The following PLCE1 variants were observed in gnomAD, a reference collection of about 807,000 sequenced individuals.
PLCE1 encodes 1-phosphatidylinositol 4,5-bisphosphate phosphodiesterase epsilon-1.
In PLCE1, 119 loss-of-function variants were observed where a neutral mutation model predicts 242.8. The observed-to-expected ratio is 0.49, with a 90% CI of 0.42 to 0.57. The LOEUF (loss-of-function observed/expected upper bound fraction) is 0.57. Ranked by LOEUF, PLCE1 falls within the 20% of genes least tolerant of loss-of-function variation. The pLI, the probability that PLCE1 is intolerant of heterozygous loss-of-function variation, is 0.00. For missense variants in PLCE1, 2,441 were observed against 2,788.8 expected, an observed-to-expected ratio of 0.88 and a Z score of 2.81; for synonymous variants, 945 against 1,017.4, an observed-to-expected ratio of 0.93 and a Z score of 1.35.
chr10:94,208,862 C>T (rs547395786), intron 4 of PLCE1, among the ~76,000 whole-genome samples: 86 of 152,258 alleles, frequency 5.6e-4, no homozygotes, highest in Non-Finnish European at 1.1e-3. Flanking sequence ...TGCACGTGGG[C>T]CTCAAAACAC....
chr10:94,141,024 AG>A (rs1454758815), intron 3 of PLCE1, among the ~76,000 whole-genome samples: 2 of 152,250 alleles, frequency 1.3e-5, no homozygotes, highest in Non-Finnish European at 2.9e-5. Context: ...CTCATTCCAG[AG>A]AAAATGTAAT....
chr10:94,054,095 C>A (rs562997569), intron 2 of PLCE1, among the ~76,000 whole-genome samples: 4 of 152,162 alleles, frequency 2.6e-5, no homozygotes, highest in East Asian at 3.9e-4. Context: ...TCTAGTGGGG[C>A]CTTCCTTCTG....
At chr10:94,165,730 C>T (rs984522206) in intron 3 of PLCE1, among the ~76,000 whole-genome samples, 20 of 150,438 alleles carry the variant, frequency 1.3e-4, no homozygotes, top group East Asian at 9.7e-4. Flanking sequence ...TTTTTTGAGA[C>T]GGTGTCTTGC....
intron 4 of PLCE1, among the ~76,000 whole-genome samples, chr10:94,195,993 G>A (rs1231572489): frequency 6.6e-6 from 1 of 152,118 alleles, no homozygotes; most frequent in Non-Finnish European, 1.5e-5. Context: ...AACTCTCAGA[G>A]TTTGAATCCC....
chr10:94,197,138 AG>A (rs2048845849), intron 4 of PLCE1, among the ~76,000 whole-genome samples: 2 of 152,366 alleles, frequency 1.3e-5, no homozygotes, highest in South Asian at 4.1e-4. Flanking sequence ...AGTGTTTTCA[AG>A]GTTCATCAGC....
At chr10:94,220,665 G>GT (rs2049708592) in intron 4 of PLCE1, among the ~76,000 whole-genome samples, 1 of 151,890 alleles carries the variant, frequency 6.6e-6, no homozygotes, top group Non-Finnish European at 1.5e-5. Context: ...CTCTACAACA[G>GT]TACTTGCAGC....
At chr10:94,183,903 A>T (rs956776672) in intron 4 of PLCE1, among the ~76,000 whole-genome samples, 1 of 152,134 alleles carries the variant, frequency 6.6e-6, no homozygotes. Flanking sequence ...CACCAAGGGG[A>T]TGGCACTAAG....
intron 3 of PLCE1, among the ~76,000 whole-genome samples, chr10:94,141,258 C>G (rs2046945634): frequency 6.6e-6 from 1 of 152,196 alleles, no homozygotes; most frequent in African/African-American, 2.4e-5. Flanking sequence ...CAGTTGTGAC[C>G]AAGGAATGTG....
At chr10:94,207,795 A>T (rs780735719) in intron 4 of PLCE1, among the ~76,000 whole-genome samples, 1 of 152,236 alleles carries the variant, frequency 6.6e-6, no homozygotes, top group East Asian at 1.9e-4. Flanking sequence ...TGATGGAAAC[A>T]TATTAAAAGG....
intron 29 of PLCE1, among the ~76,000 whole-genome samples, chr10:94,318,906 G>C (rs1198829249): frequency 6.6e-6 from 1 of 152,146 alleles, no homozygotes; most frequent in Non-Finnish European, 1.5e-5. Flanking sequence ...AAATTAGCAG[G>C]GCGTGGTAGC....
intron 3 of PLCE1, among the ~76,000 whole-genome samples, chr10:94,164,485 C>T (rs948909757): frequency 9.2e-5 from 14 of 152,098 alleles, no homozygotes; most frequent in African/African-American, 3.4e-4. Flanking sequence ...GTTCTCGTGC[C>T]ATAGTTTTCA....
At chr10:94,144,560 A>C (rs764674737) in intron 3 of PLCE1, among the ~76,000 whole-genome samples, 1 of 152,240 alleles carries the variant, frequency 6.6e-6, no homozygotes, top group Non-Finnish European at 1.5e-5. Flanking sequence ...CAAATGGGAA[A>C]AGAAGCAGCT....
chr10:94,132,899 G>A (rs1001223649), intron 3 of PLCE1, among the ~76,000 whole-genome samples: 11 of 143,266 alleles, frequency 7.7e-5, no homozygotes, highest in African/African-American at 2.3e-4. Flanking sequence ...GCAGTGAGCC[G>A]AGCTCACGCC....
At chr10:94,275,122 C>T (rs1044212519) in intron 19 of PLCE1, among the ~76,000 whole-genome samples, 3 of 152,174 alleles carry the variant, frequency 2.0e-5, no homozygotes, top group Non-Finnish European at 2.9e-5. Flanking sequence ...TTTGCAGTTA[C>T]TTATAAGGCC....
intron 4 of PLCE1, among the ~76,000 whole-genome samples, chr10:94,182,407 A>C (rs1439722147): frequency 1.3e-5 from 2 of 151,388 alleles, no homozygotes; most frequent in Non-Finnish European, 1.5e-5. Context: ...GCTGGATCAC[A>C]GATGTGCACC....
intron 2 of PLCE1, among the ~76,000 whole-genome samples, chr10:94,047,568 C>G (rs2134729000): frequency 6.6e-6 from 1 of 152,328 alleles, no homozygotes; most frequent in Non-Finnish European, 1.5e-5. Context: ...TTCAAAGCAT[C>G]TATTTTGAAA....
At chr10:94,221,326 A>T (rs994602612) in intron 4 of PLCE1, among the ~76,000 whole-genome samples, 1 of 152,222 alleles carries the variant, frequency 6.6e-6, no homozygotes, top group African/African-American at 2.4e-5. Context: ...GTGCCTGTGC[A>T]TGCACACATG....
intron 19 of PLCE1, among the ~76,000 whole-genome samples, chr10:94,279,064 G>A (rs373934839): frequency 1.3e-5 from 2 of 152,044 alleles, no homozygotes; most frequent in East Asian, 1.9e-4. Flanking sequence ...CCTCTACCCC[G>A]TTTAGATTGT....
intron 2 of PLCE1, among the ~76,000 whole-genome samples, chr10:94,129,984 C>G (rs1003370452): frequency 1.3e-5 from 2 of 152,152 alleles, no homozygotes; most frequent in African/African-American, 2.4e-5. Flanking sequence ...GGTGAGTTGT[C>G]TCCCCAGCTG....
Sources: allele counts gnomAD v4.1 joint callset (sites outside exome capture counted in the v4.1 genomes callset), GRCh38; gene constraint gnomAD v4.1.1; transcripts MANE v1.5; gene names NCBI Gene and HGNC (gene_info 2026-07-23, HGNC 2026-07-21).